Variants in GSE1 observed in about 807,000 individuals in gnomAD.
GSE1 encodes the protein genetic suppressor element 1.
In GSE1, 32 loss-of-function variants were observed where a neutral mutation model predicts 112.6. The observed-to-expected ratio is 0.28, with a 90% CI of 0.21 to 0.38. GSE1 has a LOEUF of 0.38. GSE1 is among the 10% of genes least tolerant of loss of function. The pLI is 1.00. For synonymous variants in GSE1, 1,115 were observed against 735.6 expected (o/e 1.52, Z -8.35); for missense variants, 2,348 against 1,699.2 (o/e 1.38, Z -6.71).
intron 2 of GSE1, among the ~76,000 whole-genome samples, chr16:85,488,779 C>A (rs919075086): frequency 2.0e-5 from 3 of 152,106 alleles, no homozygotes; most frequent in African/African-American, 7.2e-5. Context: ...CTTGAGCACA[C>A]CAGAGAATTA....
chr16:85,312,071 C>T (rs1008106580), intron 1 of GSE1, among the ~76,000 whole-genome samples: 1 of 152,172 alleles, frequency 6.6e-6, no homozygotes, highest in Non-Finnish European at 1.5e-5. Flanking sequence ...CTGCCTTGCA[C>T]CCCCAGAGCC....
intron 2 of GSE1, among the ~76,000 whole-genome samples, chr16:85,413,185 A>G (rs1191032223): frequency 3.3e-5 from 5 of 152,176 alleles, no homozygotes; most frequent in African/African-American, 1.2e-4. Context: ...TGCCGCTCCC[A>G]TCCGGGCAGC....
chr16:85,332,060 G>C (rs531992301), intron 1 of GSE1, among the ~76,000 whole-genome samples: 2 of 151,322 alleles, frequency 1.3e-5, no homozygotes, highest in South Asian at 4.2e-4. Flanking sequence ...CCATCTGGGG[G>C]CTCCTGTCCT....
intron 2 of GSE1, among the ~76,000 whole-genome samples, chr16:85,383,639 A>C (rs1469289084): frequency 6.6e-6 from 1 of 151,358 alleles, no homozygotes; most frequent in Non-Finnish European, 1.5e-5. Flanking sequence ...TCAGAAGCCG[A>C]CCACATGGAC....
At chr16:85,617,713 G>T (rs2048467645) in intron 1 of GSE1, among the ~76,000 whole-genome samples, 1 of 150,966 alleles carries the variant, frequency 6.6e-6, no homozygotes, top group Non-Finnish European at 1.5e-5. Flanking sequence ...TTCAATGCTT[G>T]GCCCCCCTAA....
intron 1 of GSE1, among the ~76,000 whole-genome samples, chr16:85,235,471 T>G (rs1427827891): frequency 6.5e-5 from 7 of 107,242 alleles, no homozygotes; most frequent in African/African-American, 2.5e-4. Context: ...TGTGTGTGTG[T>G]AGGGGGTGTG....
intron 1 of GSE1, among the ~76,000 whole-genome samples, chr16:85,239,724 A>ACAGCCAGGGTTGGGGGTCC (rs1165755378): frequency 9.8e-5 from 15 of 152,322 alleles, no homozygotes; most frequent in African/African-American, 3.4e-4. Context: ...ACACAGGGAC[A>ACAGCCAGGGTTGGGGGTCC]CAGCCAGGGT....
At chr16:85,337,071 C>G (rs1348453899) in intron 1 of GSE1, among the ~76,000 whole-genome samples, 1 of 152,226 alleles carries the variant, frequency 6.6e-6, no homozygotes, top group Non-Finnish European at 1.5e-5. Flanking sequence ...CACCCTGGGT[C>G]TGCCCCCAGC....
chr16:85,300,783 A>T (rs1371027201), intron 1 of GSE1, among the ~76,000 whole-genome samples: 1 of 151,512 alleles, frequency 6.6e-6, no homozygotes, highest in African/African-American at 2.5e-5. Context: ...GTGGATGGTG[A>T]GGCAGGATTT....
chr16:85,567,751 C>G (rs2045820644), intron 1 of GSE1, among the ~76,000 whole-genome samples: 3 of 152,216 alleles, frequency 2.0e-5, no homozygotes, highest in African/African-American at 7.2e-5. Flanking sequence ...GAGACAGGGT[C>G]TCGCTCTGTT....
At chr16:85,526,023 T>G (rs116363996) in intron 2 of GSE1, among the ~76,000 whole-genome samples, 2,158 of 152,302 alleles carry the variant, frequency 0.014, 44 homozygotes, top group African/African-American at 0.049. Context: ...GCAAGGGTCC[T>G]GGGACCGTGC....
chr16:85,302,310 C>T (rs989607791), intron 1 of GSE1, among the ~76,000 whole-genome samples: 4 of 152,156 alleles, frequency 2.6e-5, no homozygotes, highest in African/African-American at 7.2e-5. Context: ...AGATCAGCCA[C>T]GATTTATCCC....
At chr16:85,519,309 T>C (rs1379710258) in intron 2 of GSE1, among the ~76,000 whole-genome samples, 6 of 134,206 alleles carry the variant, frequency 4.5e-5, no homozygotes, top group African/African-American at 1.5e-4. Context: ...GTCTCCATCA[T>C]CATCACCTTC....
intron 1 of GSE1, among the ~76,000 whole-genome samples, chr16:85,315,180 CAAGG>C (rs1317074447): frequency 6.7e-6 from 1 of 149,782 alleles, no homozygotes; most frequent in African/African-American, 2.4e-5. Context: ...GATCTTTTGA[CAAGG>C]AAGGAGACAA....
At chr16:85,570,099 G>C (rs55706221) in intron 1 of GSE1, among the ~76,000 whole-genome samples, 82,067 of 152,074 alleles carry the variant, frequency 0.54, 22,355 homozygotes, top group East Asian at 0.65. Context: ...AGAAGCAGCC[G>C]TCGGGCTAGC....
chr16:85,415,340 C>G (rs1036454141), intron 2 of GSE1, among the ~76,000 whole-genome samples: 3 of 152,198 alleles, frequency 2.0e-5, no homozygotes, highest in Admixed American at 6.5e-5. Context: ...CTACAGCAGA[C>G]GAAGTGCTAA....
chr16:85,526,355 C>T (rs900089299), intron 2 of GSE1, among the ~76,000 whole-genome samples: 8 of 152,248 alleles, frequency 5.3e-5, no homozygotes, highest in Non-Finnish European at 1.2e-4. Context: ...GCCACTGGCC[C>T]CCGACCCTCA....
intron 1 of GSE1, among the ~76,000 whole-genome samples, chr16:85,175,395 G>A (rs1018588097): frequency 6.6e-6 from 1 of 152,196 alleles, no homozygotes; most frequent in African/African-American, 2.4e-5. Flanking sequence ...ACCCTGGAAG[G>A]ACCCCGGGCT....
At chr16:85,460,513 G>A (rs977509569) in intron 2 of GSE1, among the ~76,000 whole-genome samples, 2 of 152,234 alleles carry the variant, frequency 1.3e-5, no homozygotes, top group Non-Finnish European at 2.9e-5. Flanking sequence ...ATGTAAGGTA[G>A]TTCATGTAAA....
Sources: gnomAD v4.1 joint callset for allele counts (sites outside exome capture counted in the v4.1 genomes callset) on GRCh38, gnomAD v4.1.1 for gene constraint, MANE v1.5 for transcripts, NCBI Gene and HGNC (gene_info 2026-07-23, HGNC 2026-07-21) for gene names.